Variants in ABL1 observed in about 807,000 individuals in gnomAD.
ABL1 encodes ABL proto-oncogene 1, non-receptor tyrosine kinase, also known as tyrosine-protein kinase ABL1.
ABL1 carries 11 observed loss-of-function variants against 94.7 expected under a neutral mutation model. The observed-to-expected ratio is 0.12, with a 90% CI of 0.07 to 0.19. The LOEUF is 0.19. ABL1 is among the 10% of genes least tolerant of loss of function. The pLI is 1.00. For synonymous variants in ABL1, 656 were observed against 622.4 expected, an observed-to-expected ratio of 1.05 and a Z score of -0.80; for missense variants, 1,082 against 1,489.4, an observed-to-expected ratio of 0.73 and a Z score of 4.50.
intron 1 of ABL1, among the ~76,000 whole-genome samples, chr9:130,836,306 G>C (rs995741782): frequency 2.4e-4 from 36 of 152,118 alleles, no homozygotes; most frequent in African/African-American, 8.4e-4. Context: ...AATTACATCT[G>C]TTTTATTTTA....
At chr9:130,832,012 G>T (rs940456078), upstream of ABL1, among the ~76,000 whole-genome samples, 1 of 152,102 alleles carries the variant, frequency 6.6e-6, no homozygotes, top group African/African-American at 2.4e-5. Context: ...CCAAGACTCC[G>T]CATTTTAAGC....
rs1830677778 is a variant in ABL1, at chr9:130,841,882, C to T, written c.79+6357C>T. 2.1e-5 allele frequency among the ~76,000 whole-genome samples: 3 copies of T among 146,118 alleles called. No individual in the cohort carries two copies. The South Asian group carries it at 6.5e-4, about 32-fold the overall frequency. ...CACCATAAATATTTTTGTTATATTG[C>T]GTGTGTTGAGTACTGGTGATAGGGA... On this transcript the variant is annotated intron_variant, in intron 1 of 10. Transcript: ENST00000318560.
intron 1 of ABL1, among the ~76,000 whole-genome samples, chr9:130,731,237 C>T (rs1054651397): frequency 2.0e-5 from 3 of 151,640 alleles, no homozygotes; most frequent in Non-Finnish European, 4.4e-5. Context: ...GAACTCCTAA[C>T]CTCAGGTGAT....
chr9:130,735,973 T>TTTTTTTTTA (rs1831736552), intron 1 of ABL1, among the ~76,000 whole-genome samples: 2 of 139,888 alleles, frequency 1.4e-5, no homozygotes, highest in African/African-American at 5.4e-5. Flanking sequence ...TTTTTTTTTT[T>TTTTTTTTTA]AAGACAGGGT....
intron 6 of ABL1, 116 bp from the exon 7 acceptor site, chr9:130,874,752 A>G: frequency 9.0e-7 from 1 of 1,117,284 alleles, no homozygotes; most frequent in Non-Finnish European, 1.3e-6. Flanking sequence ...ACAAACTTCC[A>G]GGGCATTGGA....
Position 130,887,097 on chromosome 9 carries a change from C to G in ABL1, c.*1414C>G, listed in dbSNP as rs1203567574. On this transcript the variant is annotated 3_prime_UTR_variant, in exon 11 of 11. Coordinates refer to ENST00000318560, the MANE Select transcript of ABL1 (RefSeq NM_005157.6). ...CGGGGTCTCCTGGACCTTGACAGAG[C>G]AGCTAACTCCGAGAGCAGTGGGCAG... 4.3e-6 allele frequency: 1 copy of G among 233,118 alleles called. No individual in the cohort carries two copies. Among genetic ancestry groups the G allele is most frequent in the East Asian group, 6.0e-5 (1 of 16,576 alleles). The allele number at this position is 233,118 out of a possible 1,614,324, so 14.4% of individuals were successfully genotyped here.
intron 1 of ABL1, among the ~76,000 whole-genome samples, chr9:130,812,475 A>G (rs1459838830): frequency 2.0e-5 from 3 of 152,212 alleles, no homozygotes; most frequent in Non-Finnish European, 4.4e-5. Context: ...AAAAATACAA[A>G]TACGTTAAAA....
At chr9:130,846,113 G>GCT (rs1830767451) in intron 1 of ABL1, among the ~76,000 whole-genome samples, 7 of 148,716 alleles carry the variant, frequency 4.7e-5, no homozygotes, top group African/African-American at 9.9e-5. Flanking sequence ...GTGTGTGCTT[G>GCT]TGTGTGTGTG....
At position 130,884,742 on chromosome 9, in the gene ABL1, C is replaced by T. The variant is rs1420520045; in HGVS notation, c.2452C>T (p.Leu818Phe). ...SSPPNLTPKP[L>F]RRQVTVAPAS... Reference sequence around the variant, plus strand: ...CCCGCCCAACCTGACTCCAAAACCCCTCCGGCGGCAGGTCACCGTGGCCCC... The same window carrying T: ...CCCGCCCAACCTGACTCCAAAACCCTTCCGGCGGCAGGTCACCGTGGCCCC... Residue 818 changes from leucine to phenylalanine, a missense_variant, in exon 11 of 11, where the codon CTC becomes TTC. This residue lies in a region of ABL1 where 780 missense variants were observed against 835.8 expected (regional missense o/e 0.93). Transcript: ENST00000318560. The surrounding 1 kb of genome is among the most constrained non-coding windows in gnomAD (Gnocchi z 5.6). 6.2e-7 allele frequency: 1 copy of T among 1,612,530 alleles called. No individual in the cohort carries two copies. The highest frequency in any genetic ancestry group is 1.7e-5 in the Admixed American group (1 of 60,018).
chr9:130,875,536 C>A (rs11792775), intron 7 of ABL1, among the ~76,000 whole-genome samples: 2,389 of 152,014 alleles, frequency 0.016, 21 homozygotes, highest in South Asian at 0.042. Flanking sequence ...CCTCTATAAG[C>A]CCCCTCTCCA....
intron 1 of ABL1, among the ~76,000 whole-genome samples, chr9:130,740,250 A>G (rs776042851): frequency 1.3e-5 from 2 of 152,232 alleles, no homozygotes; most frequent in African/African-American, 2.4e-5. Context: ...TAGGGGGACA[A>G]TGAACCACAG....
chr9:130,726,193 A>G (rs1208327860), intron 1 of ABL1, among the ~76,000 whole-genome samples: 1 of 108,324 alleles, frequency 9.2e-6, no homozygotes, highest in African/African-American at 5.1e-5. Context: ...ATATGCATAC[A>G]GAAAGGGGCA....
Position 130,853,170 on chromosome 9 carries a change from CT to C in ABL1, c.80-871del, listed in dbSNP as rs11418318. On this transcript the variant is annotated intron_variant, in intron 1 of 10. Transcript: ENST00000318560. ...AGCCCTTCTGTACGATTTGACTTTTCTTTTTTTTTTTTTTTTTTTTTTTGAG... is the reference window on the plus strand; with the variant it reads ...AGCCCTTCTGTACGATTTGACTTTTCTTTTTTTTTTTTTTTTTTTTTTGAG... Among the ~76,000 whole-genome samples the C allele has an allele frequency of 5.4e-3, 405 of 75,318 alleles. 2 individuals are homozygous for C. Among genetic ancestry groups the C allele is most frequent in the African/African-American group, 0.02 (371 of 18,428 alleles). 49.4% of individuals were successfully genotyped at this position (75,318 alleles called of 152,430 possible).
intron 1 of ABL1, among the ~76,000 whole-genome samples, chr9:130,823,086 G>A (rs970526873): frequency 6.6e-5 from 10 of 152,262 alleles, no homozygotes; most frequent in African/African-American, 1.4e-4. Context: ...GTGAGCCACC[G>A]TGCCCGGCCT....
At chr9:130,836,292 C>G (rs1247641656) in intron 1 of ABL1, among the ~76,000 whole-genome samples, 1 of 152,200 alleles carries the variant, frequency 6.6e-6, no homozygotes, top group African/African-American at 2.4e-5. Flanking sequence ...TACTCTCCTT[C>G]TCTAATTACA....
At chr9:130,855,912 G>A (rs1215739536) in intron 3 of ABL1, among the ~76,000 whole-genome samples, 2 of 141,688 alleles carry the variant, frequency 1.4e-5, no homozygotes, top group East Asian at 3.9e-4. Flanking sequence ...GATGGTGTAT[G>A]TTTGTTTGTT....
rs933170871 is a variant in ABL1 at position 130,880,364 on chromosome 9, C to T, written c.1514-136C>T. 2.5e-5 allele frequency: 29 copies of T among 1,151,726 alleles called. No homozygotes were observed. The highest frequency in any genetic ancestry group is 1.2e-4 in the African/African-American group (8 of 64,932). 71.3% of individuals were successfully genotyped at this position (1,151,726 alleles called of 1,614,324 possible). A position where few individuals can be genotyped will look rare whatever the true frequency, so the allele number is the denominator to read the frequency against. ...TAAGAAATGCTAAGGGCTGTTTCTCCGGTATCCACGTGCCTTTTCTTTAGT... is the reference window on the plus strand; with the variant it reads ...TAAGAAATGCTAAGGGCTGTTTCTCTGGTATCCACGTGCCTTTTCTTTAGT... On this transcript the variant is annotated intron_variant, in intron 9 of 10. Coordinates refer to ENST00000318560, the MANE Select transcript of ABL1 (RefSeq NM_005157.6). The surrounding 1 kb of genome is among the most constrained non-coding windows in gnomAD (Gnocchi z 4.4).
At chr9:130,815,125 GGA>G (rs1830265584) in intron 1 of ABL1, among the ~76,000 whole-genome samples, 1 of 152,092 alleles carries the variant, frequency 6.6e-6, no homozygotes, top group Non-Finnish European at 1.5e-5. Flanking sequence ...CCTGAGGTCA[GGA>G]GTTACAAACC....
chr9:130,809,439 T>TGCGC lies in ABL1; in HGVS notation c.137-44624_137-44623insCGCG, dbSNP rs1483608983. Among the ~76,000 whole-genome samples the TGCGC allele has an allele frequency of 9.0e-4, 133 of 147,722 alleles. 2 individuals carry two copies. Among genetic ancestry groups the TGCGC allele is most frequent in the African/African-American group, 3.3e-3 (126 of 37,836 alleles). On this transcript the variant is annotated intron_variant, in intron 1 of 10. Coordinates refer to the ABL1 transcript ENST00000372348. Reference sequence around the variant, plus strand: ...GAGAGTGTGTGTGTGTGTGTGTGTGTGTGTGCACGTGTGAAGAAATTTATT... The same window carrying TGCGC: ...GAGAGTGTGTGTGTGTGTGTGTGTGTGCGCGTGTGCACGTGTGAAGAAATTTATT...
Sources: allele counts gnomAD v4.1 joint callset (sites outside exome capture counted in the v4.1 genomes callset), GRCh38; gene constraint gnomAD v4.1.1; regional missense constraint gnomAD v4.1.1; non-coding constraint Gnocchi (gnomAD v3.1); transcripts MANE v1.5; gene names NCBI Gene and HGNC (gene_info 2026-07-23, HGNC 2026-07-21).